Variants in MYCBP2 observed in about 807,000 individuals in gnomAD.
The protein encoded by MYCBP2 is MYC binding protein 2, also known as E3 ubiquitin-protein ligase MYCBP2.
MYCBP2 carries 120 observed loss-of-function variants against 525.3 expected under a neutral mutation model. The observed-to-expected ratio is 0.23, with a 90% CI of 0.20 to 0.27. The LOEUF (loss-of-function observed/expected upper bound fraction) is 0.27, where lower values mean the gene tolerates loss of function less well. Among genes scored for constraint, MYCBP2 ranks in the 10% least tolerant of loss-of-function variants. The pLI is 1.00. For missense variants in MYCBP2, 4,149 were observed against 5,657.1 expected (o/e 0.73, Z 8.55); for synonymous variants, 1,894 against 1,955.8 (o/e 0.97, Z 0.83).
chr13:77,261,280 C>T lies in MYCBP2; in HGVS notation c.1743G>A (p.Lys581=). 2 of 1,613,398 alleles carry T rather than the reference C, an allele frequency of 1.2e-6. No homozygotes were observed. The highest frequency in any genetic ancestry group is 1.7e-6 in the Non-Finnish European group (2 of 1,179,720). Residue 581 remains lysine, a synonymous_variant, in exon 12 of 83, where the codon AAG becomes AAA. Transcript: ENST00000544440. ...CGTGTCCAACTGAGAAGTGTACTAT[C>T]TTTGGAGATTTTGTAATTGGTAGCT... ...WVELPITKSP[K]IVHFSVGHDG...
chr13:77,215,847 C>T (rs948472339), intron 21 of MYCBP2, among the ~76,000 whole-genome samples: 2 of 152,168 alleles, frequency 1.3e-5, no homozygotes, highest in Non-Finnish European at 2.9e-5. Context: ...TGCCAAAGTG[C>T]TGGGATTATA....
intron 1 of MYCBP2, among the ~76,000 whole-genome samples, chr13:77,310,043 C>T (rs1049402589): frequency 4.6e-5 from 7 of 152,048 alleles, no homozygotes; most frequent in African/African-American, 2.4e-5. Flanking sequence ...ACTCAGGAGG[C>T]GGAGGTTGCA....
At position 77,057,019 on chromosome 13, in the gene MYCBP2, T is replaced by A. The variant is rs779979727; in HGVS notation, c.13404A>T (p.Ile4468=). The A allele has an allele frequency of 1.7e-5, 28 of 1,613,612 alleles. No individual in the cohort carries two copies. The highest frequency in any genetic ancestry group is 8.8e-5 in the South Asian group (8 of 91,070). The change falls in exon 79 of 83, where the codon ATA becomes ATT. Residue 4468 remains isoleucine, a synonymous_variant. Transcript: ENST00000544440. ...VLENRWLGPR[I]TFGFISCPIC... ...TGGGACAAGATATAAATCCAAATGT[T>A]ATCCTTGGGCCAAGCCATCGATTTT...
intron 3 of MYCBP2, among the ~76,000 whole-genome samples, chr13:77,286,818 AGACC>A (rs2076883709): frequency 8.0e-6 from 1 of 125,724 alleles, no homozygotes; most frequent in Non-Finnish European, 1.6e-5. Context: ...ATATATATAT[AGACC>A]TTCCAGTCTT....
At position 77,097,271 on chromosome 13, in the gene MYCBP2, T is replaced by C. The variant is rs75318030; in HGVS notation, c.9784+99A>G. The C allele has an allele frequency of 5.3e-4, 777 of 1,465,854 alleles. 6 individuals carry two copies. The East Asian group carries it at 0.013, about 24-fold the overall frequency. 90.8% of individuals were successfully genotyped at this position (1,465,854 alleles called of 1,614,324 possible). A position where few individuals can be genotyped will look rare whatever the true frequency, so the allele number is the denominator to read the frequency against. On this transcript the variant is annotated intron_variant, in intron 56 of 82. Coordinates refer to ENST00000544440, the MANE Select transcript of MYCBP2 (RefSeq NM_015057.5). ...AATGACATTCTAAGATACTATAAAT[T>C]CCCTATCCTTTGACAAAATTCATAG...
rs137914116 is a variant in MYCBP2 at position 77,277,520 on chromosome 13, C to T, written c.748+1238G>A. 7.2e-3 allele frequency among the ~76,000 whole-genome samples: 1,100 copies of T among 151,960 alleles called. 8 individuals are homozygous for T. The highest frequency in any genetic ancestry group is 9.7e-3 in the Non-Finnish European group (657 of 67,946). Reference sequence around the variant, plus strand: ...CAATAACTGAGTCCCCACATGCGACCAAAAAAGAAAAATCTGACATGTAGT... The same window carrying T: ...CAATAACTGAGTCCCCACATGCGACTAAAAAAGAAAAATCTGACATGTAGT... On this transcript the variant is annotated intron_variant, in intron 4 of 82. Coordinates refer to ENST00000544440, the MANE Select transcript of MYCBP2 (RefSeq NM_015057.5).
intron 18 of MYCBP2, among the ~76,000 whole-genome samples, chr13:77,226,323 C>T (rs2066261379): frequency 6.6e-6 from 1 of 152,216 alleles, no homozygotes; most frequent in East Asian, 1.9e-4. Flanking sequence ...TTGAATTTTC[C>T]AACAATCTAA....
Position 77,273,706 on chromosome 13 carries a change from A to G in MYCBP2, c.749-38T>C, listed in dbSNP as rs762162714. ...TAGAATTCAATTATATTCATCCAACATACGGAACATTATATGCGTATATTT... is the reference window on the plus strand; with the variant it reads ...TAGAATTCAATTATATTCATCCAACGTACGGAACATTATATGCGTATATTT... On this transcript the variant is annotated intron_variant, in intron 4 of 82. Coordinates refer to ENST00000544440, the MANE Select transcript of MYCBP2 (RefSeq NM_015057.5). 2.9e-6 allele frequency: 4 copies of G among 1,382,504 alleles called. No individual in the cohort carries two copies. In the African/African-American group the frequency reaches 5.8e-5, roughly 20 times the overall value. 85.6% of individuals were successfully genotyped at this position (1,382,504 alleles called of 1,614,324 possible).
chr13:77,267,616 G>A (rs962782495), intron 8 of MYCBP2, among the ~76,000 whole-genome samples: 2 of 152,134 alleles, frequency 1.3e-5, no homozygotes, highest in Non-Finnish European at 2.9e-5. Context: ...GCCATAGACG[G>A]CCAAGTTTGA....
At chr13:77,315,365 A>T (rs2080809132) in intron 1 of MYCBP2, among the ~76,000 whole-genome samples, 1 of 152,222 alleles carries the variant, frequency 6.6e-6, no homozygotes, top group Non-Finnish European at 1.5e-5. Flanking sequence ...AAAAAAACCG[A>T]TTACAGACCA....
Position 77,261,171 on chromosome 13 carries a change from T to C in MYCBP2, c.1852A>G (p.Thr618Ala), listed in dbSNP as rs1302523620. ...ATGCATAGTTGATCACTCAACTTAC[T>C]TGATTCTCCATCTTCTCCTTTACTA... ...SASKGEDGES[T>A]KSRRQSKPYK... is the part of the protein sequence containing the mutation. Residue 618 changes from threonine to alanine, a missense_variant and splice_region_variant, in exon 12 of 83, where the codon ACT (threonine) becomes GCT (alanine). Physicochemically the swap from Thr to Ala is moderately conservative, Grantham distance 58. Transcript: ENST00000544440. 1.2e-6 allele frequency: 2 copies of C among 1,610,702 alleles called. No individual in the cohort carries two copies. The highest frequency in any genetic ancestry group is 1.7e-6 in the Non-Finnish European group (2 of 1,177,854).
At chr13:77,187,417 AACTT>A (rs766549422) in intron 30 of MYCBP2, among the ~76,000 whole-genome samples, 3 of 152,228 alleles carry the variant, frequency 2.0e-5, no homozygotes, top group Non-Finnish European at 2.9e-5. Context: ...GGATATACCA[AACTT>A]TAAATGGGCA....
intron 17 of MYCBP2, among the ~76,000 whole-genome samples, chr13:77,236,316 T>C (rs532897932): frequency 6.6e-6 from 1 of 152,310 alleles, no homozygotes; most frequent in South Asian, 2.1e-4. Flanking sequence ...GCTACACTCA[T>C]GTGTAGACAA....
At chr13:77,287,432 G>A (rs1331405012) in intron 3 of MYCBP2, among the ~76,000 whole-genome samples, 4 of 152,020 alleles carry the variant, frequency 2.6e-5, no homozygotes, top group East Asian at 1.9e-4. Flanking sequence ...TGATCCACCC[G>A]CCTTGGCCTC....
At chr13:77,057,834 CTT>C (rs11419165) in intron 78 of MYCBP2, among the ~76,000 whole-genome samples, 96 of 121,062 alleles carry the variant, frequency 7.9e-4, no homozygotes, top group African/African-American at 2.8e-3. Context: ...CAATCAACTG[CTT>C]TTTTTTTTTT....
rs2061028564 is a variant in MYCBP2 at position 77,188,974 on chromosome 13, A to G, written c.4228T>C (p.Ser1410Pro). Residue 1410 changes from serine (S) to proline (P), a missense_variant, in exon 30 of 83, where the codon TCT becomes CCT. Physicochemically the swap from Ser to Pro is moderately conservative, Grantham distance 74 (BLOSUM62 -1). Coordinates refer to ENST00000544440, the MANE Select transcript of MYCBP2 (RefSeq NM_015057.5). Reference protein sequence around the residue: ...TSEPVHILKRSFARTVSVECF... With the variant: ...TSEPVHILKRPFARTVSVECF... ...ACCACTGAGACAGTTCTTGCAAAAG[A>G]CCTCTTTAAAATGTGTACAGGTTCA... 1.9e-6 allele frequency: 3 copies of G among 1,603,882 alleles called. No individual in the cohort carries two copies. The highest frequency in any genetic ancestry group is 2.6e-6 in the Non-Finnish European group (3 of 1,176,144).
intron 26 of MYCBP2, among the ~76,000 whole-genome samples, chr13:77,197,998 G>A (rs756246857): frequency 3.3e-5 from 5 of 152,128 alleles, no homozygotes; most frequent in East Asian, 1.9e-4. Context: ...GGTCCACTAC[G>A]TTGTTCACTA....
intron 44 of MYCBP2, among the ~76,000 whole-genome samples, chr13:77,161,576 CA>C (rs2154209070): frequency 6.6e-6 from 1 of 151,972 alleles, no homozygotes; most frequent in African/African-American, 2.4e-5. Flanking sequence ...CTCTAGCAGG[CA>C]AAAAAAGAAA....
In MYCBP2 at chr13:77,107,911, A is replaced by T. The variant is rs1173409287; in HGVS notation, c.8141-8898T>A. Reference sequence around the variant, plus strand: ...GTAAACTTAGGAGGAATATGGAATTATGTGAATGGTAAAGCAGCTTAGGAC... The same window carrying T: ...GTAAACTTAGGAGGAATATGGAATTTTGTGAATGGTAAAGCAGCTTAGGAC... On this transcript the variant is annotated intron_variant, in intron 55 of 82. Transcript: ENST00000544440. Among the ~76,000 whole-genome samples the T allele has an allele frequency of 2.0e-5, 3 of 152,178 alleles. No homozygotes were observed. In the East Asian group the frequency reaches 5.8e-4, roughly 29 times the overall value.
Sources: allele counts gnomAD v4.1 joint callset (sites outside exome capture counted in the v4.1 genomes callset), GRCh38; gene constraint gnomAD v4.1.1; transcripts MANE v1.5; gene names NCBI Gene and HGNC (gene_info 2026-07-23, HGNC 2026-07-21).